The following SLC60A2 variants were observed in gnomAD, a reference collection of about 807,000 sequenced individuals.
SLC60A2 encodes major facilitator superfamily domain containing 4B.
chr6:111,274,927 T>C, the SLC60A2 span, among the ~76,000 whole-genome samples: 329 of 152,334 alleles, frequency 2.2e-3, 1 homozygote, highest in African/African-American at 7.5e-3. Flanking sequence ...ATTTATTTCA[T>C]TTTAATTTTT....
the SLC60A2 span, among the ~76,000 whole-genome samples, chr6:111,261,477 A>G: frequency 6.6e-6 from 1 of 151,882 alleles, no homozygotes; most frequent in African/African-American, 2.4e-5. Flanking sequence ...TTATTTTTGT[A>G]GAGATGGGGT....
chr6:111,279,083 ACTC>A, the SLC60A2 span, among the ~76,000 whole-genome samples: 1 of 151,822 alleles, frequency 6.6e-6, no homozygotes, highest in African/African-American at 2.4e-5. Context: ...TAAAAAAGTA[ACTC>A]CTCCTCCCCA....
the SLC60A2 span, among the ~76,000 whole-genome samples, chr6:111,273,094 G>A: frequency 2.6e-5 from 4 of 152,204 alleles, no homozygotes; most frequent in Non-Finnish European, 5.9e-5. Flanking sequence ...GGTCAGAGAA[G>A]ATATTTTGAT....
At chr6:111,261,814 A>C in the SLC60A2 span, among the ~76,000 whole-genome samples, 1 of 152,058 alleles carries the variant, frequency 6.6e-6, no homozygotes, top group South Asian at 2.1e-4. Flanking sequence ...CGCTGGTCTC[A>C]AACTCCTGAC....
At chr6:111,271,746 T>C in the SLC60A2 span, among the ~76,000 whole-genome samples, 198 of 105,518 alleles carry the variant, frequency 1.9e-3, no homozygotes, top group African/African-American at 6.9e-3. Flanking sequence ...GAGACCAGTC[T>C]GGCCAACATG....
the SLC60A2 span, chr6:111,264,030 A>T: frequency 2.9e-6 from 2 of 686,832 alleles, no homozygotes; most frequent in Admixed American, 4.3e-5. Context: ...GTCACTTGCA[A>T]TGCCCCCTAA....
the SLC60A2 span, among the ~76,000 whole-genome samples, chr6:111,272,509 AT>A: frequency 0.48 from 54,836 of 114,532 alleles, 10,880 homozygotes; most frequent in East Asian, 0.63. Flanking sequence ...TTCTAACTGT[AT>A]TTTTTTTTTT....
the SLC60A2 span, among the ~76,000 whole-genome samples, chr6:111,273,020 G>A: frequency 4.6e-5 from 7 of 152,028 alleles, no homozygotes; most frequent in East Asian, 1.9e-4. Flanking sequence ...TAGTAGAGAC[G>A]GGGTTTCACC....
At chr6:111,279,688 G>A in the SLC60A2 span, among the ~76,000 whole-genome samples, 1 of 152,196 alleles carries the variant, frequency 6.6e-6, no homozygotes, top group Non-Finnish European at 1.5e-5. Flanking sequence ...TTTGGAGGTT[G>A]CCCTTCTAGG....
At chr6:111,264,175 G>A in the SLC60A2 span, among the ~76,000 whole-genome samples, 2 of 152,172 alleles carry the variant, frequency 1.3e-5, no homozygotes, top group Non-Finnish European at 2.9e-5. Context: ...TGTTCTATGA[G>A]AGATAATTGA....
the SLC60A2 span, among the ~76,000 whole-genome samples, chr6:111,275,167 C>T: frequency 4.0e-5 from 6 of 151,848 alleles, no homozygotes; most frequent in Non-Finnish European, 7.4e-5. Flanking sequence ...AATCCTTCCA[C>T]CTCAGCTAGG....
the SLC60A2 span, among the ~76,000 whole-genome samples, chr6:111,279,614 CT>C: frequency 1.3e-5 from 2 of 152,194 alleles, no homozygotes; most frequent in South Asian, 4.1e-4. Context: ...TCCACTGCTG[CT>C]TGGTCCAGTG....
the SLC60A2 span, chr6:111,266,989 CGGA>C: frequency 6.2e-7 from 1 of 1,614,166 alleles, no homozygotes; most frequent in Non-Finnish European, 8.5e-7. Flanking sequence ...AGTAGTCTGA[CGGA>C]GCCCACAGCT....
At chr6:111,267,400 C>A in the SLC60A2 span, 1 of 279,878 alleles carries the variant, frequency 3.6e-6, no homozygotes, top group South Asian at 1.0e-4. Flanking sequence ...TCAGAGCACC[C>A]AAAGAAGGCA....
chr6:111,274,606 A>T, the SLC60A2 span, among the ~76,000 whole-genome samples: 1 of 130,332 alleles, frequency 7.7e-6, no homozygotes, highest in Non-Finnish European at 1.7e-5. Context: ...TTTCCTCTCA[A>T]TGTTTATCAC....
At chr6:111,267,506 A>C in the SLC60A2 span, 1 of 163,388 alleles carries the variant, frequency 6.1e-6, no homozygotes, top group Non-Finnish European at 1.3e-5. Flanking sequence ...TTTTCCAGGA[A>C]AGTTGAGGAG....
chr6:111,279,999 A>G, the SLC60A2 span, among the ~76,000 whole-genome samples: 2 of 152,214 alleles, frequency 1.3e-5, no homozygotes, highest in Admixed American at 6.5e-5. Flanking sequence ...AAATATTGAT[A>G]ACAATAGTGA....
At chr6:111,268,781 G>A in the SLC60A2 span, 3 of 152,166 alleles carry the variant, frequency 2.0e-5, no homozygotes, top group African/African-American at 4.8e-5. Flanking sequence ...GAATACTTGT[G>A]TCACCGATCC....
the SLC60A2 span, among the ~76,000 whole-genome samples, chr6:111,279,494 C>A: frequency 1.3e-5 from 2 of 151,100 alleles, no homozygotes; most frequent in Admixed American, 1.3e-4. Flanking sequence ...GTGATCCGCC[C>A]ACCTCGGCCT....
Sources: allele counts gnomAD v4.1 joint callset (sites outside exome capture counted in the v4.1 genomes callset), GRCh38; gene constraint gnomAD v4.1.1; transcripts MANE v1.5; gene names NCBI Gene and HGNC (gene_info 2026-07-23, HGNC 2026-07-21).